SLC38A4: variants seen among roughly 807,000 people sequenced by gnomAD.
SLC38A4 encodes the protein sodium-coupled neutral amino acid transporter 4.
SLC38A4 carries 20 observed loss-of-function variants against 63.1 expected under a neutral mutation model. The observed-to-expected ratio is 0.32, with a 90% CI of 0.22 to 0.46. SLC38A4 has a LOEUF of 0.46. SLC38A4 is among the 20% of genes least tolerant of loss of function. The pLI is 1.00. For missense variants in SLC38A4, 526 were observed against 663.6 expected (o/e 0.79, Z 2.28); for synonymous variants, 230 against 225.5 (o/e 1.02, Z -0.18).
In SLC38A4 at chr12:46,807,861, G is replaced by T. The variant is rs1189597353; in HGVS notation, c.-304-4067C>A. On this transcript the variant is annotated intron_variant, in intron 1 of 16. Coordinates refer to ENST00000266579, the MANE Select transcript of SLC38A4 (RefSeq NM_018018.5). Reference sequence around the variant, plus strand: ...CCTCAACTTACAAAATAAAAAATTGGAAAGAAAAGAAGAGATAATTAAATG... The same window carrying T: ...CCTCAACTTACAAAATAAAAAATTGTAAAGAAAAGAAGAGATAATTAAATG... Among the ~76,000 whole-genome samples the T allele has an allele frequency of 2.0e-5, 3 of 146,562 alleles. No homozygotes were observed. The East Asian group carries it at 6.1e-4, about 30-fold the overall frequency.
At chr12:46,822,377 G>A (rs1367052946) in intron 1 of SLC38A4, among the ~76,000 whole-genome samples, 1 of 152,092 alleles carries the variant, frequency 6.6e-6, no homozygotes, top group Non-Finnish European at 1.5e-5. Flanking sequence ...GTGGGTAACT[G>A]GAGATTCTGT....
chr12:46,783,227 TGATAGATAGATAGATAGATA>T (rs66798597), intron 7 of SLC38A4, among the ~76,000 whole-genome samples: 5 of 143,708 alleles, frequency 3.5e-5, no homozygotes, highest in African/African-American at 1.3e-4. Context: ...AATTGATAGA[TGATAGATAGATAGATAGATA>T]GATAGATAGA....
At chr12:46,809,351 A>G (rs979896082) in intron 1 of SLC38A4, among the ~76,000 whole-genome samples, 2 of 152,114 alleles carry the variant, frequency 1.3e-5, no homozygotes, top group African/African-American at 4.8e-5. Context: ...AAGGAATCTG[A>G]GCAGAGAGAG....
intron 16 of SLC38A4, among the ~76,000 whole-genome samples, chr12:46,767,106 T>C (rs755640465): frequency 7.9e-5 from 12 of 151,952 alleles, no homozygotes; most frequent in Non-Finnish European, 1.2e-4. Flanking sequence ...GATTCAATAA[T>C]CTAGAGAATG....
rs1565670802 is a variant in SLC38A4, at chr12:46,793,099, A to G, written c.-28T>C. On this transcript the variant is annotated 5_prime_UTR_variant, in exon 3 of 17. Transcript: ENST00000266579. ...GAGCTGTCAGCGCTTTCTTGTCCAC[A>G]CACAAGCCCCTTCAGTGTAAATAAT... 1.3e-6 allele frequency: 2 copies of G among 1,511,796 alleles called. No homozygotes were observed. Among genetic ancestry groups the G allele is most frequent in the Admixed American group, 3.3e-5 (2 of 59,774 alleles). 93.6% of individuals were successfully genotyped at this position (1,511,796 alleles called of 1,614,324 possible). A position where few individuals can be genotyped will look rare whatever the true frequency, so the allele number is the denominator to read the frequency against.
rs997479614 is a variant in SLC38A4 at position 46,803,326 on chromosome 12, G to A, written c.-113+277C>T. Among the ~76,000 whole-genome samples the A allele has an allele frequency of 6.6e-4, 101 of 151,976 alleles. 1 individual carries two copies. Among genetic ancestry groups the A allele is most frequent in the African/African-American group, 2.4e-3 (99 of 41,456 alleles). Reference sequence around the variant, plus strand: ...ATAAATAACTAAACACATTTTACCGGCTGTATTTGCAATGTTTCCCTTTCT... The same window carrying A: ...ATAAATAACTAAACACATTTTACCGACTGTATTTGCAATGTTTCCCTTTCT... On this transcript the variant is annotated intron_variant, in intron 2 of 16. Transcript: ENST00000266579.
At chr12:46,785,948 T>C (rs1938753221) in intron 5 of SLC38A4, among the ~76,000 whole-genome samples, 1 of 151,934 alleles carries the variant, frequency 6.6e-6, no homozygotes, top group Admixed American at 6.6e-5. Context: ...AAAAAATCTT[T>C]ATCTTTGTTT....
At chr12:46,822,872 A>T (rs549643708) in intron 1 of SLC38A4, among the ~76,000 whole-genome samples, 35 of 152,342 alleles carry the variant, frequency 2.3e-4, no homozygotes, top group African/African-American at 7.5e-4. Context: ...AATGGAAAGC[A>T]TTATATTTGG....
intron 2 of SLC38A4, among the ~76,000 whole-genome samples, chr12:46,802,794 A>T (rs1324445055): frequency 1.3e-5 from 2 of 152,022 alleles, no homozygotes. Flanking sequence ...TCTTAGTTTT[A>T]CTATACCCTG....
Position 46,778,618 on chromosome 12 carries a change from G to A in SLC38A4, c.876C>T (p.Arg292=), listed in dbSNP as rs772174037. The A allele has an allele frequency of 6.8e-6, 11 of 1,613,034 alleles. No homozygotes were observed. Among genetic ancestry groups the A allele is most frequent in the Non-Finnish European group, 9.3e-6 (11 of 1,179,394 alleles). ...GGTTCTCATCCAGCCCTGCAGGATT[G>A]CGGTGGGTGTAATCCATCATGAAGT... ...DVNFMMDYTH[R]NPAGLDENQA... The change falls in exon 11 of 17, where the codon CGC becomes CGT. Residue 292 remains arginine, a synonymous_variant. Transcript: ENST00000266579.
In SLC38A4 at chr12:46,768,359, T is replaced by TA; in HGVS notation, c.1492dup (p.Tyr498LeufsTer3). 1 of 1,611,572 alleles carries TA rather than the reference T, an allele frequency of 6.2e-7. No homozygotes were observed. The highest frequency in any genetic ancestry group is 1.1e-5 in the South Asian group (1 of 90,904). ...AGTTTCTTTCTTGACAAGTTTAAGA[T>TA]AAAAAACTGCTGGAAGAATAAAAAT... is the stretch of plus-strand genomic sequence containing the variant. On this transcript the variant is annotated frameshift_variant, in exon 16 of 17. Transcript: ENST00000266579. LOFTEE classifies it high-confidence loss of function.
chr12:46,816,161 A>C (rs1449901656), intron 1 of SLC38A4, among the ~76,000 whole-genome samples: 1 of 151,954 alleles, frequency 6.6e-6, no homozygotes, highest in African/African-American at 2.4e-5. Context: ...GATAGGCACC[A>C]ATGAGATATT....
intron 1 of SLC38A4, among the ~76,000 whole-genome samples, chr12:46,809,796 G>C (rs1039337311): frequency 1.6e-4 from 24 of 151,990 alleles, no homozygotes; most frequent in African/African-American, 5.6e-4. Context: ...GCAGACTTTG[G>C]ACAGATGGTA....
chr12:46,822,198 C>G (rs943243523), intron 1 of SLC38A4, among the ~76,000 whole-genome samples: 2 of 152,068 alleles, frequency 1.3e-5, no homozygotes, highest in Non-Finnish European at 2.9e-5. Context: ...TTGACACACA[C>G]GTACACATAG....
At chr12:46,788,744 T>C in intron 3 of SLC38A4, 126 bp from the exon 4 acceptor site, 2 of 801,776 alleles carry the variant, frequency 2.5e-6, no homozygotes. Context: ...CCAATTTTCT[T>C]TTCCTCCTTC....
At chr12:46,785,811 T>C (rs1335572738) in intron 5 of SLC38A4, among the ~76,000 whole-genome samples, 2 of 151,164 alleles carry the variant, frequency 1.3e-5, no homozygotes, top group Non-Finnish European at 3.0e-5. Flanking sequence ...CATGTATGGT[T>C]TCTTTATGTT....
At position 46,768,394 on chromosome 12, in the gene SLC38A4, G is replaced by A. The variant is rs1344081726; in HGVS notation, c.1458C>T (p.Ala486=). 1 of 1,609,820 alleles carries A rather than the reference G, an allele frequency of 6.2e-7. No individual in the cohort carries two copies. The highest frequency in any genetic ancestry group is 1.1e-5 in the South Asian group (1 of 90,650). Residue 486 remains alanine (A), a synonymous_variant, in exon 16 of 17, where the codon GCC becomes GCT. Coordinates refer to ENST00000266579, the MANE Select transcript of SLC38A4 (RefSeq NM_018018.5). The part of the protein sequence containing the change: ...YIFGFIGASS[A]TMLIFILPAV... ...CTGGAAGAATAAAAATCAGCATAGT[G>A]GCAGAAGAAGCCCCTGAGAAGACAA...
Position 46,788,617 on chromosome 12 carries a change from G to A in SLC38A4, c.121C>T (p.Gln41Ter). Reference sequence around the variant, plus strand: ...CTTTCAGTGTCTTCATTAGCAAATTGACTGAACACACACACACACAAATAA... The same window carrying A: ...CTTTCAGTGTCTTCATTAGCAAATTAACTGAACACACACACACACAAATAA... ...GNSEKAAMSS[Q>*]FANEDTESQK... Residue 41 changes from glutamine to a stop codon, truncating the protein, a stop_gained and splice_region_variant, in exon 4 of 17, where the codon CAA (glutamine) becomes TAA (stop). Transcript: ENST00000266579. LOFTEE classifies it high-confidence loss of function. The A allele has an allele frequency of 6.2e-7, 1 of 1,610,830 alleles. No homozygotes were observed. Among genetic ancestry groups the A allele is most frequent in the Non-Finnish European group, 8.5e-7 (1 of 1,178,324 alleles).
At chr12:46,779,456 C>CT (rs1039275560) in intron 10 of SLC38A4, among the ~76,000 whole-genome samples, 155 bp downstream of exon 10, 2 of 151,860 alleles carry the variant, frequency 1.3e-5, no homozygotes, top group Non-Finnish European at 2.9e-5. Flanking sequence ...CGTAGCTGCT[C>CT]TTTTTTTGCT....
Sources: gnomAD v4.1 joint callset for allele counts (sites outside exome capture counted in the v4.1 genomes callset) on GRCh38, gnomAD v4.1.1 for gene constraint, MANE v1.5 for transcripts, NCBI Gene and HGNC (gene_info 2026-07-23, HGNC 2026-07-21) for gene names.